Variants in TENM3 observed in about 807,000 individuals in gnomAD.
TENM3 encodes teneurin transmembrane protein 3.
Under a neutral mutation model 255.1 loss-of-function variants are expected in TENM3, and 63 were observed. The observed-to-expected ratio is 0.25, with a 90% confidence interval of 0.20 to 0.30. TENM3 has a LOEUF of 0.30. Ranked by LOEUF, TENM3 falls within the 10% of genes least tolerant of loss-of-function variation. The pLI is 1.00. For synonymous variants in TENM3, 1,306 were observed against 1,322.3 expected, an observed-to-expected ratio of 0.99 and a Z score of 0.27; for missense variants, 2,929 against 3,461.1, an observed-to-expected ratio of 0.85 and a Z score of 3.86.
intron 1 of TENM3, among the ~76,000 whole-genome samples, chr4:182,298,038 C>T (rs917982059): frequency 2.0e-5 from 3 of 152,228 alleles, no homozygotes; most frequent in East Asian, 1.9e-4. Flanking sequence ...GTGCATCTTA[C>T]GTTGAACGTC....
chr4:181,942,759 G>A, the TENM3 span, among the ~76,000 whole-genome samples: 1 of 152,142 alleles, frequency 6.6e-6, no homozygotes, highest in Non-Finnish European at 1.5e-5. Context: ...TTCATGAAAT[G>A]AGGGAGAATG....
At chr4:182,741,961 C>A (rs553220098) in intron 18 of TENM3, among the ~76,000 whole-genome samples, 3 of 152,178 alleles carry the variant, frequency 2.0e-5, no homozygotes, top group African/African-American at 7.2e-5. Context: ...ATTGTACTTT[C>A]GTGGGATTAT....
chr4:182,596,735 A>G (rs1560979954), intron 3 of TENM3, among the ~76,000 whole-genome samples: 1 of 152,096 alleles, frequency 6.6e-6, no homozygotes, highest in African/African-American at 2.4e-5. Flanking sequence ...TATAACATTC[A>G]CCTTTAGAGT....
Position 182,715,708 on chromosome 4 carries a change from C to T in TENM3, c.2368+1475C>T, listed in dbSNP as rs114735863. Among the ~76,000 whole-genome samples, 818 of 152,192 alleles carry T rather than the reference C, an allele frequency of 5.4e-3. 6 individuals are homozygous for T. The highest frequency in any genetic ancestry group is 0.018 in the African/African-American group (764 of 41,518). On this transcript the variant is annotated intron_variant, in intron 13 of 27. Transcript: ENST00000511685. ...AACTACTATTCTGTAGGAAACAGAG[C>T]GACCAGAACCAACCCCTCAACCTCC...
chr4:181,970,009 A>G, the TENM3 span, among the ~76,000 whole-genome samples: 7 of 152,350 alleles, frequency 4.6e-5, no homozygotes, highest in African/African-American at 1.7e-4. Context: ...TAATTATGAA[A>G]TAACTTGCAA....
the TENM3 span, among the ~76,000 whole-genome samples, chr4:181,780,026 C>T: frequency 3.9e-5 from 6 of 152,330 alleles, no homozygotes; most frequent in East Asian, 9.6e-4. Context: ...TTTCTTAATC[C>T]AGTCTATCAT....
chr4:182,606,698 A>G (rs1748476980), intron 4 of TENM3, among the ~76,000 whole-genome samples: 1 of 152,158 alleles, frequency 6.6e-6, no homozygotes, highest in Non-Finnish European at 1.5e-5. Flanking sequence ...AGTTTCAAAG[A>G]TGGTTATTAA....
intron 3 of TENM3, among the ~76,000 whole-genome samples, chr4:182,484,435 C>G (rs1734506874): frequency 6.6e-6 from 1 of 152,252 alleles, no homozygotes; most frequent in African/African-American, 2.4e-5. Flanking sequence ...TTTTCCCTTT[C>G]ACAGCTGACA....
chr4:182,762,390 T>C (rs1763273243), intron 22 of TENM3, among the ~76,000 whole-genome samples: 1 of 152,212 alleles, frequency 6.6e-6, no homozygotes. Context: ...TACACGGTGA[T>C]TGTCAGATAT....
At chr4:182,005,847 C>T in the TENM3 span, among the ~76,000 whole-genome samples, 1 of 152,104 alleles carries the variant, frequency 6.6e-6, no homozygotes, top group Non-Finnish European at 1.5e-5. Context: ...AATGGGAGTT[C>T]ATTCCTGATT....
At chr4:182,635,045 T>G (rs535253423) in intron 5 of TENM3, among the ~76,000 whole-genome samples, 4 of 152,322 alleles carry the variant, frequency 2.6e-5, no homozygotes, top group African/African-American at 9.6e-5. Context: ...GTTATAGACC[T>G]TTAATTTCGT....
At chr4:182,410,844 GA>G (rs1185110629) in intron 3 of TENM3, among the ~76,000 whole-genome samples, 2 of 152,032 alleles carry the variant, frequency 1.3e-5, no homozygotes, top group Non-Finnish European at 2.9e-5. Flanking sequence ...GTGAGAGCTG[GA>G]AAAAAATGTG....
chr4:182,588,535 G>A (rs999340976), intron 3 of TENM3, among the ~76,000 whole-genome samples: 3 of 152,060 alleles, frequency 2.0e-5, no homozygotes, highest in African/African-American at 7.2e-5. Context: ...TCATAATAAG[G>A]TAATAAGGGG....
chr4:181,757,933 A>G, the TENM3 span, among the ~76,000 whole-genome samples: 627 of 152,264 alleles, frequency 4.1e-3, 1 homozygote, highest in African/African-American at 0.014. Context: ...TCTTTGATCT[A>G]TGATTTGCAA....
chr4:182,081,352 G>A, the TENM3 span, among the ~76,000 whole-genome samples: 206 of 152,068 alleles, frequency 1.4e-3, no homozygotes, highest in African/African-American at 4.8e-3. Flanking sequence ...TTGGAAGGCC[G>A]AGGCGGGTGG....
At chr4:181,738,023 G>T in the TENM3 span, among the ~76,000 whole-genome samples, 3 of 151,922 alleles carry the variant, frequency 2.0e-5, no homozygotes, top group Non-Finnish European at 1.5e-5. Context: ...AAGGGAAAGA[G>T]CTGAGAAAGG....
At chr4:182,483,046 G>A (rs989798968) in intron 3 of TENM3, among the ~76,000 whole-genome samples, 8 of 147,806 alleles carry the variant, frequency 5.4e-5, no homozygotes, top group African/African-American at 1.7e-4. Flanking sequence ...GAACATGTTT[G>A]TTCTTCAGCT....
At chr4:182,143,493 G>A (rs1005745417), upstream of TENM3, 3 of 167,014 alleles carry the variant, frequency 1.8e-5, no homozygotes, top group African/African-American at 7.2e-5. The surrounding 1 kb of genome is among the most constrained non-coding windows in gnomAD (Gnocchi z 4.3). Context: ...CTTCCCGGCA[G>A]TGTCTTGCAC....
intron 3 of TENM3, among the ~76,000 whole-genome samples, chr4:182,352,121 C>T (rs1184885066): frequency 6.6e-6 from 1 of 151,650 alleles, no homozygotes; most frequent in East Asian, 2.0e-4. Context: ...CCTTCCTTAC[C>T]CCACCCCACC....
Sources: gnomAD v4.1 joint callset for allele counts (sites outside exome capture counted in the v4.1 genomes callset) on GRCh38, gnomAD v4.1.1 for gene constraint, Gnocchi (gnomAD v3.1) non-coding constraint, MANE v1.5 for transcripts, NCBI Gene and HGNC (gene_info 2026-07-23, HGNC 2026-07-21) for gene names.